CCDC88C: variants seen among roughly 807,000 people sequenced by gnomAD.
CCDC88C encodes coiled-coil and HOOK domain protein 88C.
CCDC88C carries 131 observed loss-of-function variants against 198.8 expected under a neutral mutation model. The ratio of observed to expected loss-of-function variants is 0.66; its 90% CI spans 0.57 to 0.76. The LOEUF (loss-of-function observed/expected upper bound fraction) is 0.76. Ranked by LOEUF, CCDC88C falls within the 30% of genes least tolerant of loss-of-function variation. The pLI is 0.00. For missense variants in CCDC88C, 2,553 were observed against 2,631.6 expected (o/e 0.97, Z 0.65); for synonymous variants, 1,166 against 1,114.7 (o/e 1.05, Z -0.92).
intron 2 of CCDC88C, among the ~76,000 whole-genome samples, chr14:91,415,046 C>A (rs952898514): frequency 4.6e-5 from 7 of 152,164 alleles, no homozygotes; most frequent in African/African-American, 1.7e-4. Context: ...GTTCCCCCCT[C>A]TGCCTGGGTG....
In CCDC88C at chr14:91,339,376, A is replaced by C; in HGVS notation, c.711T>G (p.Thr237=). The C allele has an allele frequency of 6.2e-7, 1 of 1,613,420 alleles. No homozygotes were observed. The change falls in exon 8 of 30, where the codon ACT becomes ACG. Residue 237 remains threonine, a synonymous_variant. Transcript: ENST00000389857. This position sits in a 1 kb window ranked among gnomAD's most constrained non-coding sequence, Gnocchi z 5.8. ...TAGAGAGGCTGCTGGTGGGGCTGGG[A>C]GTGGAGTCGGCGCTGGAGGACTTGA... ...SPIKSSSADS[T]PSPTSSLSSE...
chr14:91,298,623 A>C (rs1285741861), intron 21 of CCDC88C, among the ~76,000 whole-genome samples: 2 of 152,134 alleles, frequency 1.3e-5, no homozygotes, highest in Non-Finnish European at 2.9e-5. Context: ...TAAAAAACAA[A>C]AGGCTGCCCA....
intron 27 of CCDC88C, 97 bp downstream of exon 27, chr14:91,281,360 T>TG (rs1183108405): frequency 2.8e-5 from 45 of 1,587,542 alleles, no homozygotes; most frequent in Non-Finnish European, 3.8e-5. Context: ...CATTTGGTGT[T>TG]GGACTCCCGT....
In CCDC88C at chr14:91,325,834, G is replaced by A; in HGVS notation, c.1197+76C>T. On this transcript the variant is annotated intron_variant, in intron 11 of 29. Transcript: ENST00000389857. The surrounding 1 kb of genome is among the most constrained non-coding windows in gnomAD (Gnocchi z 4.1). Reference sequence around the variant, plus strand: ...TCCTCCCACCTTAGCCTCCCAAAGTGCTGGGATTACAGGCATGAGCCACTG... The same window carrying A: ...TCCTCCCACCTTAGCCTCCCAAAGTACTGGGATTACAGGCATGAGCCACTG... The A allele has an allele frequency of 4.9e-6, 7 of 1,429,108 alleles. No homozygotes were observed. The highest frequency in any genetic ancestry group is 1.3e-5 in the South Asian group (1 of 76,148). 88.5% of individuals were successfully genotyped at this position (1,429,108 alleles called of 1,614,324 possible).
At chr14:91,383,165 A>G (rs1884908366) in intron 3 of CCDC88C, among the ~76,000 whole-genome samples, 1 of 152,190 alleles carries the variant, frequency 6.6e-6, no homozygotes, top group Non-Finnish European at 1.5e-5. Context: ...CACCATCTGT[A>G]GACTTGGAGC....
At chr14:91,309,609 CAAA>C (rs376702299) in intron 16 of CCDC88C, among the ~76,000 whole-genome samples, 6 of 114,388 alleles carry the variant, frequency 5.2e-5, no homozygotes, top group Admixed American at 9.0e-5. Flanking sequence ...GACCCTGTCT[CAAA>C]AAAAAAAAAA....
intron 3 of CCDC88C, among the ~76,000 whole-genome samples, chr14:91,372,976 C>T (rs1794687049): frequency 1.3e-5 from 2 of 152,308 alleles, no homozygotes; most frequent in African/African-American, 4.8e-5. Context: ...CGGGGCGACA[C>T]ACCATCCTCC....
At chr14:91,321,475 C>T (rs755945364) in intron 12 of CCDC88C, among the ~76,000 whole-genome samples, 171 bp from the exon 13 acceptor site, 2 of 152,172 alleles carry the variant, frequency 1.3e-5, no homozygotes, top group African/African-American at 2.4e-5. Context: ...TCCCAGTGCC[C>T]GAGGGCTCCT....
At chr14:91,279,180 G>C in intron 28 of CCDC88C, 58 bp downstream of exon 28, 1 of 1,423,194 alleles carries the variant, frequency 7.0e-7, no homozygotes, top group Admixed American at 2.0e-5. Flanking sequence ...TTATAGGCAT[G>C]AGCCACTGTG....
chr14:91,298,755 A>G (rs1001339220), intron 21 of CCDC88C, among the ~76,000 whole-genome samples: 4 of 152,138 alleles, frequency 2.6e-5, no homozygotes, highest in African/African-American at 7.2e-5. Context: ...TGTTTCACCC[A>G]TGTGCTTTAT....
intron 4 of CCDC88C, among the ~76,000 whole-genome samples, chr14:91,346,079 A>G (rs972972094): frequency 1.3e-5 from 2 of 152,236 alleles, no homozygotes; most frequent in Non-Finnish European, 2.9e-5. Context: ...GACTGCCGGG[A>G]TGAAAAAACC....
intron 3 of CCDC88C, among the ~76,000 whole-genome samples, chr14:91,399,863 G>A (rs1317035834): frequency 6.8e-6 from 1 of 147,812 alleles, no homozygotes; most frequent in Non-Finnish European, 1.5e-5. Context: ...AAAAGAAGAA[G>A]AAGAAGAAGT....
At chr14:91,343,325 C>T (rs1473792756) in intron 5 of CCDC88C, among the ~76,000 whole-genome samples, 2 of 152,168 alleles carry the variant, frequency 1.3e-5, no homozygotes, top group African/African-American at 2.4e-5. Flanking sequence ...GTTTGCAGAT[C>T]CTTGTTCTAG....
Position 91,296,378 on chromosome 14 carries a change from C to T in CCDC88C, c.3966+927G>A, listed in dbSNP as rs575357670. Among the ~76,000 whole-genome samples, 36 of 152,356 alleles carry T rather than the reference C, an allele frequency of 2.4e-4. No homozygotes were observed. In the South Asian group the frequency reaches 5.6e-3, roughly 24 times the overall value. ...TCTTGCCAGTCCTTCACTTCATCAG[C>T]GTGACCTTTTCCACGGGGCCTGCGC... On this transcript the variant is annotated intron_variant, in intron 22 of 29. Coordinates refer to ENST00000389857, the MANE Select transcript of CCDC88C (RefSeq NM_001080414.4).
At chr14:91,332,342 C>G (rs1303506074) in intron 10 of CCDC88C, among the ~76,000 whole-genome samples, 1 of 152,184 alleles carries the variant, frequency 6.6e-6, no homozygotes, top group Non-Finnish European at 1.5e-5. Context: ...CACGCCCGCC[C>G]GCACGCTTCC....
rs189115368 is a variant in CCDC88C, at chr14:91,313,173, G to T, written c.2643C>A (p.Asp881Glu). 9.9e-6 allele frequency: 16 copies of T among 1,612,184 alleles called. No individual in the cohort carries two copies. The highest frequency in any genetic ancestry group is 1.4e-5 in the Non-Finnish European group (16 of 1,178,668). The change falls in exon 15 of 30, where the codon GAC becomes GAA. Residue 881 changes from aspartate to glutamate, a missense_variant. Physicochemically the swap from Asp to Glu is conservative, Grantham distance 45. This residue lies in a region of CCDC88C where 1,260 missense variants were observed against 1,412.0 expected (regional missense o/e 0.89). Transcript: ENST00000389857. The surrounding 1 kb of genome is among the most constrained non-coding windows in gnomAD (Gnocchi z 5.2). ...CCAGCTCCTTCAGCTTGCCGGCTGC[G>T]TCCCTGCAGCGGGCCAGCTCCTTGT... ...ALDKELARCRDAAGKLKELEK... is the reference protein window; with the variant it reads ...ALDKELARCREAAGKLKELEK...
At chr14:91,285,463 T>C in intron 25 of CCDC88C, 1 of 463,280 alleles carries the variant, frequency 2.2e-6, no homozygotes, top group Admixed American at 2.6e-5. Context: ...AACTGTGTTG[T>C]GCTGAAGAAA....
At chr14:91,306,699 T>C (rs1270012923) in intron 18 of CCDC88C, among the ~76,000 whole-genome samples, 1 of 152,090 alleles carries the variant, frequency 6.6e-6, no homozygotes, top group Non-Finnish European at 1.5e-5. Context: ...CCAGACAACC[T>C]CTAAACAATG....
At chr14:91,328,750 A>G (rs549271649) in intron 10 of CCDC88C, among the ~76,000 whole-genome samples, 1 of 152,168 alleles carries the variant, frequency 6.6e-6, no homozygotes, top group African/African-American at 2.4e-5. Flanking sequence ...ATGCGTGTGA[A>G]ATACTCCATG....
Sources: gnomAD v4.1 joint callset for allele counts (sites outside exome capture counted in the v4.1 genomes callset) on GRCh38, gnomAD v4.1.1 for gene constraint, gnomAD v4.1.1 regional missense constraint, Gnocchi (gnomAD v3.1) non-coding constraint, MANE v1.5 for transcripts, NCBI Gene and HGNC (gene_info 2026-07-23, HGNC 2026-07-21) for gene names.